The following F2RL1 variants were observed in gnomAD, a reference collection of about 807,000 sequenced individuals.
F2RL1 encodes proteinase-activated receptor 2.
Under a neutral mutation model 21.7 loss-of-function variants are expected in F2RL1, and 16 were observed. The observed-to-expected ratio is 0.74, with a 90% CI of 0.50 to 1.12. The LOEUF is 1.12. F2RL1 is among the 50% of genes most tolerant of loss of function. The pLI is 0.00. For synonymous variants in F2RL1, 181 were observed against 186.7 expected (o/e 0.97, Z 0.25); for missense variants, 432 against 477.8 (o/e 0.90, Z 0.89).
intron 1 of F2RL1, among the ~76,000 whole-genome samples, chr5:76,821,018 T>C (rs1750122148): frequency 6.6e-6 from 1 of 152,008 alleles, no homozygotes; most frequent in Non-Finnish European, 1.5e-5. Flanking sequence ...TCAGGGTGGG[T>C]CTTTGCTCAC....
chr5:76,827,995 G>T (rs1750275968), intron 1 of F2RL1, among the ~76,000 whole-genome samples: 1 of 151,992 alleles, frequency 6.6e-6, no homozygotes, highest in African/African-American at 2.4e-5. Context: ...AAATAGACAT[G>T]GTTTCACTCT....
At position 76,833,946 on chromosome 5, in the gene F2RL1, C is replaced by T. The variant is rs534668337; in HGVS notation, c.*145C>T. On this transcript the variant is annotated 3_prime_UTR_variant, in exon 2 of 2. Coordinates refer to ENST00000296677, the MANE Select transcript of F2RL1 (RefSeq NM_005242.6). The stretch of plus-strand genomic sequence containing the variant: ...ACCTCTCAGGATTGCTAGGAGCTCC[C>T]CTGTTTGCATGAGAAAAGTAGTCCC... 4.9e-6 allele frequency: 4 copies of T among 813,782 alleles called. No individual in the cohort carries two copies. The highest frequency in any genetic ancestry group is 4.0e-5 in the South Asian group (2 of 50,208). 50.4% of individuals were successfully genotyped at this position (813,782 alleles called of 1,614,324 possible). A position where few individuals can be genotyped will look rare whatever the true frequency, so the allele number is the denominator to read the frequency against.
At chr5:76,823,327 A>G (rs1351037589) in intron 1 of F2RL1, among the ~76,000 whole-genome samples, 1 of 150,926 alleles carries the variant, frequency 6.6e-6, no homozygotes, top group African/African-American at 2.4e-5. Context: ...TCTGGTCTCC[A>G]ATCTCAGCAC....
chr5:76,821,315 A>G (rs952506984), intron 1 of F2RL1, among the ~76,000 whole-genome samples: 8 of 152,174 alleles, frequency 5.3e-5, no homozygotes, highest in South Asian at 2.1e-4. Context: ...TCCTGGAGGC[A>G]GGGGGCCCTA....
rs1460458277 is a variant in F2RL1, at chr5:76,834,481, A to G, written c.*680A>G. 6.6e-6 allele frequency: 1 copy of G among 152,184 alleles called. No individual in the cohort carries two copies. Among genetic ancestry groups the G allele is most frequent in the East Asian group, 1.9e-4 (1 of 5,196 alleles). The allele number at this position is 152,184 out of a possible 1,614,324, so 9.4% of individuals were successfully genotyped here. ...ATCATGGCGAAACCTCATCTCTACT[A>G]AAAATACAAAAGTTAACCAGGTGTG... is the stretch of plus-strand genomic sequence containing the variant. On this transcript the variant is annotated 3_prime_UTR_variant, in exon 2 of 2. Coordinates refer to ENST00000296677, the MANE Select transcript of F2RL1 (RefSeq NM_005242.6).
rs70982641 is a variant in F2RL1 at position 76,823,229 on chromosome 5, CAA to C, written c.82+3978_82+3979del. On this transcript the variant is annotated intron_variant, in intron 1 of 1. Coordinates refer to ENST00000296677, the MANE Select transcript of F2RL1 (RefSeq NM_005242.6). ...GGGGCAACAGAGTGAGACTCAGTCT[CAA>C]AAAAAAAAAAAAGTTTTACACGCAG... Among the ~76,000 whole-genome samples, 961 of 138,980 alleles carry C rather than the reference CAA, an allele frequency of 6.9e-3. 13 individuals carry two copies. Among genetic ancestry groups the C allele is most frequent in the African/African-American group, 0.024 (911 of 38,040 alleles). 91.2% of individuals were successfully genotyped at this position (138,980 alleles called of 152,430 possible). A position where few individuals can be genotyped will look rare whatever the true frequency, so the allele number is the denominator to read the frequency against.
intron 1 of F2RL1, among the ~76,000 whole-genome samples, chr5:76,819,718 G>A (rs1353430379): frequency 2.0e-5 from 3 of 152,250 alleles, no homozygotes; most frequent in African/African-American, 7.2e-5. Flanking sequence ...CGCGGGGCCG[G>A]TGGGGTTAGC....
At chr5:76,831,081 G>A (rs1170873150) in intron 1 of F2RL1, among the ~76,000 whole-genome samples, 1 of 152,086 alleles carries the variant, frequency 6.6e-6, no homozygotes, top group Non-Finnish European at 1.5e-5. Flanking sequence ...ATACTTAGGG[G>A]CAGAATGTAG....
intron 1 of F2RL1, 81 bp downstream of exon 1, chr5:76,819,345 C>T: frequency 7.9e-7 from 1 of 1,268,232 alleles, no homozygotes; most frequent in Non-Finnish European, 1.1e-6. Context: ...GGGATCCGGG[C>T]AGGTGTGCGA....
At chr5:76,820,396 TCA>T (rs914404515) in intron 1 of F2RL1, among the ~76,000 whole-genome samples, 2 of 152,154 alleles carry the variant, frequency 1.3e-5, no homozygotes, top group Admixed American at 6.6e-5. Flanking sequence ...AAAGAGCAAG[TCA>T]CAGTGGGTTG....
chr5:76,823,417 C>T (rs1256012913), intron 1 of F2RL1, among the ~76,000 whole-genome samples: 2 of 137,070 alleles, frequency 1.5e-5, no homozygotes, highest in East Asian at 2.1e-4. Context: ...GTCGCCCAGG[C>T]TGGAGGGCTG....
At chr5:76,820,165 G>C (rs1011450888) in intron 1 of F2RL1, among the ~76,000 whole-genome samples, 3 of 152,182 alleles carry the variant, frequency 2.0e-5, no homozygotes, top group Admixed American at 2.0e-4. Context: ...CCTTGGATGT[G>C]CTGCTCCGGG....
In F2RL1 at chr5:76,831,976, C is replaced by T. The variant is rs116949438; in HGVS notation, c.83-714C>T. Among the ~76,000 whole-genome samples the T allele has an allele frequency of 2.4e-3, 355 of 149,862 alleles. 5 individuals are homozygous for T. The East Asian group carries it at 0.049, about 21-fold the overall frequency. ...ATCACTTGAAGCCAGGAGTTCGAGACCAGCTTAGTCAACATAGCAAGACCC... is the reference window on the plus strand; with the variant it reads ...ATCACTTGAAGCCAGGAGTTCGAGATCAGCTTAGTCAACATAGCAAGACCC... On this transcript the variant is annotated intron_variant, in intron 1 of 1. Coordinates refer to ENST00000296677, the MANE Select transcript of F2RL1 (RefSeq NM_005242.6).
Position 76,819,103 on chromosome 5 carries a change from C to G in F2RL1, c.-80C>G. 1.7e-6 allele frequency: 2 copies of G among 1,178,798 alleles called. No homozygotes were observed. Among genetic ancestry groups the G allele is most frequent in the Admixed American group, 2.3e-5 (1 of 43,428 alleles). 73.0% of individuals were successfully genotyped at this position (1,178,798 alleles called of 1,614,324 possible). A position where few individuals can be genotyped will look rare whatever the true frequency, so the allele number is the denominator to read the frequency against. ...GGCAGGTGAGAGGCTGACTTTCTCTCGGTGCGTCCAGTGGAGCTCTGAGTT... is the reference window on the plus strand; with the variant it reads ...GGCAGGTGAGAGGCTGACTTTCTCTGGGTGCGTCCAGTGGAGCTCTGAGTT... On this transcript the variant is annotated 5_prime_UTR_variant, in exon 1 of 2. Transcript: ENST00000296677.
chr5:76,819,238 C>G lies in F2RL1; in HGVS notation c.56C>G (p.Ser19Cys). The G allele has an allele frequency of 1.3e-6, 2 of 1,592,810 alleles. No individual in the cohort carries two copies. The highest frequency in any genetic ancestry group is 1.7e-6 in the Non-Finnish European group (2 of 1,177,998). Residue 19 changes from serine to cysteine, a missense_variant, in exon 1 of 2, where the codon TCT becomes TGT. Ser to Cys is a moderately radical substitution (Grantham distance 112). Coordinates refer to ENST00000296677, the MANE Select transcript of F2RL1 (RefSeq NM_005242.6). Reference protein sequence around the residue: ...LLGAAILLAASLSCSGTIQGT... With the variant: ...LLGAAILLAACLSCSGTIQGT... ...GGGGCCGCCATCCTGCTAGCAGCCT[C>G]TCTCTCCTGCAGTGGCACCATCCAA...
intron 1 of F2RL1, among the ~76,000 whole-genome samples, chr5:76,823,905 C>G (rs539822496): frequency 1.3e-5 from 2 of 151,446 alleles, no homozygotes; most frequent in Non-Finnish European, 2.9e-5. Context: ...CTCTGCCTCC[C>G]GGGTTCATGC....
At chr5:76,821,053 G>A (rs548902343) in intron 1 of F2RL1, among the ~76,000 whole-genome samples, 10 of 152,066 alleles carry the variant, frequency 6.6e-5, no homozygotes, top group African/African-American at 2.4e-4. Flanking sequence ...GTCCTTCTGC[G>A]TGCCCCTCAG....
At chr5:76,822,589 C>G (rs1039178261) in intron 1 of F2RL1, among the ~76,000 whole-genome samples, 3 of 152,126 alleles carry the variant, frequency 2.0e-5, no homozygotes, top group Admixed American at 6.5e-5. Context: ...CTTTTGCTTG[C>G]TTTGTAGTTA....
In F2RL1 at chr5:76,833,796, T is replaced by C; in HGVS notation, c.1189T>C (p.Tyr397His). 6.2e-7 allele frequency: 1 copy of C among 1,611,876 alleles called. No individual in the cohort carries two copies. Among genetic ancestry groups the C allele is most frequent in the Non-Finnish European group, 8.5e-7 (1 of 1,178,442 alleles). Residue 397 changes from tyrosine to histidine, a missense_variant, in exon 2 of 2, where the codon TAT becomes CAT. Physicochemically the swap from Tyr to His is moderately conservative, Grantham distance 83. Coordinates refer to ENST00000296677, the MANE Select transcript of F2RL1 (RefSeq NM_005242.6). ...SSSSTTVKTS[Y>H] is the part of the protein sequence containing the mutation. ...AAGTTCAACCACTGTTAAGACCTCCTATTGAGTTTTCCAGGTCCTCAGATG... is the reference window on the plus strand; with the variant it reads ...AAGTTCAACCACTGTTAAGACCTCCCATTGAGTTTTCCAGGTCCTCAGATG...
Sources: gnomAD v4.1 joint callset for allele counts (sites outside exome capture counted in the v4.1 genomes callset) on GRCh38, gnomAD v4.1.1 for gene constraint, MANE v1.5 for transcripts, NCBI Gene and HGNC (gene_info 2026-07-23, HGNC 2026-07-21) for gene names.